ZNF723: variants seen among roughly 807,000 people sequenced by gnomAD.
ZNF723 encodes zinc finger protein 723, pseudogene.
A neutral mutation model predicts 9.4 loss-of-function variants in ZNF723; 5 were observed. That is an observed-to-expected ratio of 0.53 (90% CI 0.28 to 1.12). The LOEUF (loss-of-function observed/expected upper bound fraction) is 1.12. ZNF723 is among the 50% of genes most tolerant of loss of function. ZNF723 has a pLI of 0.10. For synonymous variants in ZNF723, 158 were observed against 168.8 expected (o/e 0.94, Z 0.49); for missense variants, 450 against 501.5 (o/e 0.90, Z 0.98).
Position 22,858,607 on chromosome 19 carries a change from A to G in ZNF723, c.*174A>G. 4.5e-6 allele frequency: 2 copies of G among 445,110 alleles called. No homozygotes were observed. Among genetic ancestry groups the G allele is most frequent in the Non-Finnish European group, 7.8e-6 (2 of 255,820 alleles). 27.6% of individuals were successfully genotyped at this position (445,110 alleles called of 1,614,324 possible). Reference sequence around the variant, plus strand: ...GGTGAAACAACGTCTCTACTAAAATACAAAAAAAATTAGCCGGGTGTAGTG... The same window carrying G: ...GGTGAAACAACGTCTCTACTAAAATGCAAAAAAAATTAGCCGGGTGTAGTG... On this transcript the variant is annotated 3_prime_UTR_variant, in exon 4 of 4. Coordinates refer to ENST00000600766, the MANE Select transcript of ZNF723 (RefSeq NM_001349726.2).
At chr19:22,832,525 C>G in intron 1 of ZNF723, 143 bp downstream of exon 1, 1 of 970,704 alleles carries the variant, frequency 1.0e-6, no homozygotes, top group Non-Finnish European at 1.5e-6. Context: ...GCCTCAGACA[C>G]CTTCAGCGAT....
In ZNF723 at chr19:22,858,180, GTGGTAAAGGTTT is replaced by G; in HGVS notation, c.1291_1302del (p.Gly431_Phe434del). 2 of 1,398,736 alleles carry G rather than the reference GTGGTAAAGGTTT, an allele frequency of 1.4e-6. No individual in the cohort carries two copies. Among genetic ancestry groups the G allele is most frequent in the Non-Finnish European group, 1.0e-6 (1 of 986,580 alleles). 86.6% of individuals were successfully genotyped at this position (1,398,736 alleles called of 1,614,324 possible). On this transcript the variant is annotated inframe_deletion, in exon 4 of 4. Coordinates refer to ENST00000600766, the MANE Select transcript of ZNF723 (RefSeq NM_001349726.2). ...GAAAGACCTTACAAATGTAAACAAT[GTGGTAAAGGTTT>G]TAGCCAATCCTCAACCCTTACTAAA...
the ZNF723 span, among the ~76,000 whole-genome samples, chr19:22,815,831 G>C: frequency 1.3e-5 from 2 of 152,196 alleles, no homozygotes; most frequent in African/African-American, 4.8e-5. Context: ...CACAATAAAA[G>C]TGAGATTGTG....
chr19:22,825,011 G>A, the ZNF723 span, among the ~76,000 whole-genome samples: 7 of 152,158 alleles, frequency 4.6e-5, no homozygotes, highest in Admixed American at 6.6e-5. Context: ...TACATGGAAT[G>A]TCATAGCAGT....
At chr19:22,848,238 G>T in intron 1 of ZNF723, 23 bp from the exon 2 acceptor site, 1 of 844,696 alleles carries the variant, frequency 1.2e-6, no homozygotes, top group East Asian at 2.7e-5. Flanking sequence ...ATGTGTGTAT[G>T]TGTGTGTGTG....
At chr19:22,825,222 C>T in the ZNF723 span, among the ~76,000 whole-genome samples, 2 of 152,106 alleles carry the variant, frequency 1.3e-5, no homozygotes, top group Non-Finnish European at 2.9e-5. Flanking sequence ...TTCAACATGC[C>T]GGTGAGCCTG....
intron 3 of ZNF723, among the ~76,000 whole-genome samples, chr19:22,850,976 A>G (rs1466205827): frequency 6.6e-6 from 1 of 151,996 alleles, no homozygotes; most frequent in Non-Finnish European, 1.5e-5. Context: ...CAAAACCTAT[A>G]TCTTTATATT....
rs138455586 is a variant in ZNF723 at position 22,836,597 on chromosome 19, G to A, written c.3+4215G>A. Among the ~76,000 whole-genome samples, 562 of 152,250 alleles carry A rather than the reference G, an allele frequency of 3.7e-3. 3 individuals are homozygous for A. Among genetic ancestry groups the A allele is most frequent in the Middle Eastern group, 0.01 (3 of 294 alleles). ...TCCTGAAGTCAGCATGTTCTTAGAA[G>A]GGACATAAAATTGGGTTTATTTTGG... is the stretch of plus-strand genomic sequence containing the variant. On this transcript the variant is annotated intron_variant, in intron 1 of 3. Transcript: ENST00000600766.
chr19:22,851,352 A>C (rs1161550705), intron 3 of ZNF723, among the ~76,000 whole-genome samples: 2 of 151,984 alleles, frequency 1.3e-5, no homozygotes, highest in African/African-American at 4.8e-5. Context: ...TTCTATTTTT[A>C]GTAGAGACGG....
chr19:22,845,819 G>T (rs1462231491), intron 1 of ZNF723, among the ~76,000 whole-genome samples: 2 of 124,440 alleles, frequency 1.6e-5, no homozygotes, highest in Non-Finnish European at 3.5e-5. Flanking sequence ...CAAGATGCAG[G>T]TCTAATTTGT....
At chr19:22,847,371 A>G (rs1967328273) in intron 1 of ZNF723, among the ~76,000 whole-genome samples, 1 of 152,062 alleles carries the variant, frequency 6.6e-6, no homozygotes, top group Non-Finnish European at 1.5e-5. Flanking sequence ...TGGAAAATGA[A>G]GAGTTTCATC....
At chr19:22,824,990 C>T in the ZNF723 span, among the ~76,000 whole-genome samples, 3 of 152,090 alleles carry the variant, frequency 2.0e-5, no homozygotes, top group African/African-American at 4.8e-5. Flanking sequence ...TTATACAAAG[C>T]CTTTGAGTGG....
chr19:22,847,332 C>T (rs1398979139), intron 1 of ZNF723, among the ~76,000 whole-genome samples: 1 of 151,320 alleles, frequency 6.6e-6, no homozygotes, highest in East Asian at 1.9e-4. Flanking sequence ...GCTGCTCTTT[C>T]TTAGAGTTTC....
At chr19:22,842,719 T>C (rs1967264325) in intron 1 of ZNF723, among the ~76,000 whole-genome samples, 1 of 152,138 alleles carries the variant, frequency 6.6e-6, no homozygotes, top group Admixed American at 6.5e-5. Flanking sequence ...TTTCCTTTGA[T>C]TGTACTCTGC....
At chr19:22,843,702 T>C (rs1216037538) in intron 1 of ZNF723, among the ~76,000 whole-genome samples, 1 of 152,184 alleles carries the variant, frequency 6.6e-6, no homozygotes, top group East Asian at 1.9e-4. Flanking sequence ...TGACTTCTTA[T>C]GTCATCACCT....
intron 1 of ZNF723, among the ~76,000 whole-genome samples, chr19:22,847,297 G>A (rs144484326): frequency 7.0e-4 from 106 of 151,016 alleles, no homozygotes; most frequent in Middle Eastern, 3.4e-3. Flanking sequence ...GCTGATGTGT[G>A]TAAACTATCA....
rs757082720 is a variant in ZNF723, at chr19:22,857,908, ACT to A, written c.1020_1021del (p.Tyr341GlnfsTer3). The A allele has an allele frequency of 1.5e-5, 22 of 1,444,518 alleles. No homozygotes were observed. The highest frequency in any genetic ancestry group is 2.1e-5 in the Non-Finnish European group (22 of 1,026,822). 89.5% of individuals were successfully genotyped at this position (1,444,518 alleles called of 1,614,324 possible). A position where few individuals can be genotyped will look rare whatever the true frequency, so the allele number is the denominator to read the frequency against. On this transcript the variant is annotated frameshift_variant, in exon 4 of 4. Transcript: ENST00000600766. LOFTEE classifies it low-confidence loss of function (END_TRUNC). ...THKRIHTGEK[L>X]YKCEECGKAF... ...ATAAGAGAATTCATACTGGAGAGAA[ACT>A]CTACAAATGTGAAGAATGTGGCAAA...
chr19:22,855,230 CTTT>C (rs71163413), intron 3 of ZNF723, among the ~76,000 whole-genome samples: 4 of 135,232 alleles, frequency 3.0e-5, no homozygotes, highest in Non-Finnish European at 4.8e-5. Context: ...TATGTGTTTT[CTTT>C]TTTTTTTTTT....
chr19:22,815,275 T>C, the ZNF723 span, among the ~76,000 whole-genome samples: 1 of 152,192 alleles, frequency 6.6e-6, no homozygotes, highest in Non-Finnish European at 1.5e-5. Context: ...TATTTCTGTA[T>C]CTGACACCTA....
Sources: allele counts gnomAD v4.1 joint callset (sites outside exome capture counted in the v4.1 genomes callset), GRCh38; gene constraint gnomAD v4.1.1; transcripts MANE v1.5; gene names NCBI Gene and HGNC (gene_info 2026-07-23, HGNC 2026-07-21).